The following HGF variants were observed in gnomAD, a reference collection of about 807,000 sequenced individuals.
The protein encoded by HGF is hepatocyte growth factor.
A neutral mutation model predicts 111.6 loss-of-function variants in HGF; 39 were observed. The observed-to-expected ratio is 0.35, with a 90% confidence interval of 0.27 to 0.46. HGF has a LOEUF of 0.46. Ranked by LOEUF, HGF falls within the 20% of genes least tolerant of loss-of-function variation. HGF has a pLI of 1.00. For missense variants in HGF, 735 were observed against 910.5 expected (o/e 0.81, Z 2.48); for synonymous variants, 285 against 294.8 (o/e 0.97, Z 0.34).
At chr7:81,749,265 T>G (rs1184263950) in intron 5 of HGF, among the ~76,000 whole-genome samples, 2 of 152,162 alleles carry the variant, frequency 1.3e-5, no homozygotes, top group Middle Eastern at 6.4e-3. Flanking sequence ...ATGGCTTAAT[T>G]AAAATATATT....
chr7:81,711,224 ACT>A (rs527948208), intron 12 of HGF, among the ~76,000 whole-genome samples: 3 of 151,936 alleles, frequency 2.0e-5, no homozygotes, highest in South Asian at 2.1e-4. Flanking sequence ...AAATATAAAC[ACT>A]CTTTTCGAAA....
intron 9 of HGF, among the ~76,000 whole-genome samples, chr7:81,722,225 C>G (rs1789883351): frequency 6.6e-6 from 1 of 151,932 alleles, no homozygotes; most frequent in Non-Finnish European, 1.5e-5. Flanking sequence ...TTACTATGCT[C>G]CATGAGGTTT....
chr7:81,726,192 CA>C (rs1790004728), intron 8 of HGF, among the ~76,000 whole-genome samples, 175 bp from the exon 9 acceptor site: 2 of 152,124 alleles, frequency 1.3e-5, no homozygotes, highest in Admixed American at 1.3e-4. Flanking sequence ...TGACTCTGCC[CA>C]AATTACTGAA....
At chr7:81,730,116 A>G (rs761689113) in intron 7 of HGF, among the ~76,000 whole-genome samples, 1 of 152,212 alleles carries the variant, frequency 6.6e-6, no homozygotes, top group African/African-American at 2.4e-5. Context: ...GTACATACAA[A>G]GTGGTAATGA....
chr7:81,713,493 T>A (rs1170934338), intron 11 of HGF, among the ~76,000 whole-genome samples: 7 of 150,242 alleles, frequency 4.7e-5, no homozygotes, highest in Admixed American at 2.0e-4. Context: ...TCCACTGCAC[T>A]CCAGCCTGGG....
At chr7:81,723,050 A>G (rs1789914049) in intron 9 of HGF, among the ~76,000 whole-genome samples, 1 of 152,022 alleles carries the variant, frequency 6.6e-6, no homozygotes, top group Admixed American at 6.6e-5. Context: ...TTATGCTGGG[A>G]AAAATAACTA....
intron 1 of HGF, 181 bp from the exon 2 acceptor site, chr7:81,763,053 T>C: frequency 1.7e-6 from 1 of 579,998 alleles, no homozygotes; most frequent in Admixed American, 3.1e-5. Flanking sequence ...AGGAATATTG[T>C]AATCAAGGAA....
At chr7:81,720,542 C>A (rs1194743728) in intron 10 of HGF, among the ~76,000 whole-genome samples, 1 of 152,104 alleles carries the variant, frequency 6.6e-6, no homozygotes, top group East Asian at 1.9e-4. Context: ...CAATAAATAT[C>A]CACTAACTTG....
intron 8 of HGF, 30 bp downstream of exon 8, chr7:81,729,575 A>T (rs777216366): frequency 6.4e-7 from 1 of 1,563,446 alleles, no homozygotes; most frequent in Non-Finnish European, 8.8e-7. Flanking sequence ...GGGCCTACTG[A>T]AATGTATAAC....
chr7:81,742,983 T>G, intron 7 of HGF: 1 of 1,604,662 alleles, frequency 6.2e-7, no homozygotes. Context: ...GATACAGGAT[T>G]GGAAGGTAAG....
At chr7:81,717,432 A>G in intron 10 of HGF, 67 bp from the exon 11 acceptor site, 1 of 1,401,096 alleles carries the variant, frequency 7.1e-7, no homozygotes, top group African/African-American at 1.4e-5. Context: ...AAAATATTAC[A>G]AAAAGATATA....
At chr7:81,739,836 T>C (rs1217773988) in intron 7 of HGF, among the ~76,000 whole-genome samples, 1 of 152,158 alleles carries the variant, frequency 6.6e-6, no homozygotes, top group African/African-American at 2.4e-5. Flanking sequence ...ACAAATGAGG[T>C]AAGATCCCTC....
In HGF at chr7:81,769,909, CAGG is replaced by C; in HGVS notation, c.60_62del (p.Leu22del). The C allele has an allele frequency of 1.9e-6, 3 of 1,568,736 alleles. No individual in the cohort carries two copies. Among genetic ancestry groups the C allele is most frequent in the Non-Finnish European group, 2.6e-6 (3 of 1,155,820 alleles). ...CTGCATAGGGGATGGCGATGGGGAGCAGGAGGAGATGCAGGAGGACATGCTGCA... is the reference window on the plus strand; with the variant it reads ...CTGCATAGGGGATGGCGATGGGGAGCAGGAGATGCAGGAGGACATGCTGCA... On this transcript the variant is annotated inframe_deletion, in exon 1 of 18. Transcript: ENST00000222390.
chr7:81,712,252 A>G (rs1789591902), intron 11 of HGF, among the ~76,000 whole-genome samples: 1 of 152,138 alleles, frequency 6.6e-6, no homozygotes, highest in African/African-American at 2.4e-5. Context: ...TCATATTGAT[A>G]GGCCATTTGC....
At chr7:81,711,732 C>A (rs1452818713) in intron 11 of HGF, among the ~76,000 whole-genome samples, 1 of 152,162 alleles carries the variant, frequency 6.6e-6, no homozygotes, top group Non-Finnish European at 1.5e-5. Flanking sequence ...CAACCTCCCC[C>A]TCTCAGGTTC....
At chr7:81,740,026 C>G (rs1027498594) in intron 7 of HGF, among the ~76,000 whole-genome samples, 29 of 152,180 alleles carry the variant, frequency 1.9e-4, no homozygotes, top group Admixed American at 6.6e-5. Flanking sequence ...CTCCAGCCAT[C>G]CATCTCTTTA....
At chr7:81,752,564 T>G (rs1788556734) in intron 4 of HGF, among the ~76,000 whole-genome samples, 1 of 152,078 alleles carries the variant, frequency 6.6e-6, no homozygotes. Context: ...ATTTCAAAGC[T>G]CCACTAAAAG....
intron 5 of HGF, 194 bp downstream of exon 5, chr7:81,751,926 T>C: frequency 7.1e-7 from 1 of 1,407,312 alleles, no homozygotes; most frequent in Non-Finnish European, 9.2e-7. Flanking sequence ...CGCTCTGTTA[T>C]TTTGCATTAA....
chr7:81,705,460 CGAT>C lies in HGF; in HGVS notation c.1937_1939del (p.His646del), dbSNP rs1789396822. ...AGACTCATTCAGAGTCACCTTCCCT[CGAT>C]GATGCTGGCTGCATTTCTCATTTCC... On this transcript the variant is annotated inframe_deletion, in exon 17 of 18. Transcript: ENST00000222390. 6.2e-7 allele frequency: 1 copy of C among 1,612,722 alleles called. No individual in the cohort carries two copies. The highest frequency in any genetic ancestry group is 8.5e-7 in the Non-Finnish European group (1 of 1,179,032).
Sources: gnomAD v4.1 joint callset for allele counts (sites outside exome capture counted in the v4.1 genomes callset) on GRCh38, gnomAD v4.1.1 for gene constraint, MANE v1.5 for transcripts, NCBI Gene and HGNC (gene_info 2026-07-23, HGNC 2026-07-21) for gene names.